ZNF385D: variants seen among roughly 807,000 people sequenced by gnomAD.
ZNF385D encodes zinc finger protein 385D.
In ZNF385D, 15 loss-of-function variants were observed where a neutral mutation model predicts 35.8. The ratio of observed to expected loss-of-function variants is 0.42; its 90% confidence interval spans 0.28 to 0.64. The LOEUF is 0.64. ZNF385D is among the 30% of genes least tolerant of loss of function. The probability of loss-of-function intolerance (pLI) is 0.23; values close to 1 mark genes in which losing one functional copy is unlikely to be tolerated. For synonymous variants in ZNF385D, 212 were observed against 186.8 expected, an observed-to-expected ratio of 1.13 and a Z score of -1.10; for missense variants, 474 against 494.6, an observed-to-expected ratio of 0.96 and a Z score of 0.39.
intron 2 of ZNF385D, among the ~76,000 whole-genome samples, chr3:22,178,175 G>T (rs972100977): frequency 6.6e-6 from 1 of 152,150 alleles, no homozygotes; most frequent in Non-Finnish European, 1.5e-5. Flanking sequence ...CTTCCACAAT[G>T]GTTGAACTAG....
intron 4 of ZNF385D, among the ~76,000 whole-genome samples, chr3:21,497,502 A>G (rs1172546128): frequency 6.6e-6 from 1 of 152,196 alleles, no homozygotes; most frequent in African/African-American, 2.4e-5. Flanking sequence ...TGCTATTCCT[A>G]TCAAACTACC....
At chr3:21,613,386 T>C (rs1338991288) in intron 2 of ZNF385D, among the ~76,000 whole-genome samples, 1 of 152,072 alleles carries the variant, frequency 6.6e-6, no homozygotes, top group African/African-American at 2.4e-5. Context: ...ATAGTCTTAC[T>C]TATTTTTTTG....
At chr3:21,990,153 G>C (rs1559825952) in intron 3 of ZNF385D, among the ~76,000 whole-genome samples, 1 of 152,188 alleles carries the variant, frequency 6.6e-6, no homozygotes, top group South Asian at 2.1e-4. Flanking sequence ...TCTGAGCAAT[G>C]ATTATAGGAT....
intron 3 of ZNF385D, among the ~76,000 whole-genome samples, chr3:21,559,150 C>T (rs1378932937): frequency 6.6e-6 from 1 of 152,122 alleles, no homozygotes; most frequent in Non-Finnish European, 1.5e-5. Flanking sequence ...TTAATTGGGG[C>T]ATCTAGTCCT....
At chr3:22,192,487 G>C (rs1298340201) in intron 2 of ZNF385D, among the ~76,000 whole-genome samples, 2 of 152,106 alleles carry the variant, frequency 1.3e-5, no homozygotes, top group African/African-American at 4.8e-5. Flanking sequence ...CCTCAGGCTA[G>C]TTCACAAGAC....
chr3:21,839,613 A>G (rs548973909), intron 3 of ZNF385D, among the ~76,000 whole-genome samples: 1 of 152,210 alleles, frequency 6.6e-6, no homozygotes, highest in East Asian at 1.9e-4. Flanking sequence ...TACAAGAGTA[A>G]AGATGTATTT....
intron 3 of ZNF385D, among the ~76,000 whole-genome samples, chr3:21,816,949 G>C (rs1481998701): frequency 6.6e-6 from 1 of 152,152 alleles, no homozygotes; most frequent in Admixed American, 6.5e-5. Flanking sequence ...CAAGGCTACA[G>C]TAACCAAAAC....
At chr3:21,879,154 T>A (rs1244100677) in intron 3 of ZNF385D, among the ~76,000 whole-genome samples, 1 of 152,002 alleles carries the variant, frequency 6.6e-6, no homozygotes, top group Non-Finnish European at 1.5e-5. Context: ...GATATGAAAA[T>A]TTACCTCTTG....
chr3:22,115,384 T>G (rs183083609), intron 3 of ZNF385D, among the ~76,000 whole-genome samples: 1 of 152,090 alleles, frequency 6.6e-6, no homozygotes, highest in African/African-American at 2.4e-5. Flanking sequence ...TGTGCACAAG[T>G]AGAAAGAGAA....
At chr3:21,484,168 T>G (rs1229259698) in intron 4 of ZNF385D, among the ~76,000 whole-genome samples, 3 of 152,106 alleles carry the variant, frequency 2.0e-5, no homozygotes, top group Non-Finnish European at 4.4e-5. Context: ...AGCTCACCCT[T>G]CCCAGGGCTG....
At chr3:22,330,954 G>T (rs1694905338) in intron 2 of ZNF385D, among the ~76,000 whole-genome samples, 1 of 152,074 alleles carries the variant, frequency 6.6e-6, no homozygotes, top group Admixed American at 6.6e-5. Context: ...TCTGGGGTAT[G>T]GCTATGTCCA....
chr3:21,509,912 T>C (rs1288851249), intron 4 of ZNF385D, among the ~76,000 whole-genome samples: 5 of 152,202 alleles, frequency 3.3e-5, no homozygotes, highest in Admixed American at 2.6e-4. Flanking sequence ...GGATGTTACA[T>C]TGTGTAATAA....
chr3:22,319,021 T>C (rs1704052225), intron 2 of ZNF385D, among the ~76,000 whole-genome samples: 1 of 152,204 alleles, frequency 6.6e-6, no homozygotes, highest in Non-Finnish European at 1.5e-5. Flanking sequence ...CCTAAAATGT[T>C]TGCAGGGCAG....
Position 22,197,330 on chromosome 3 carries a change from T to C in ZNF385D, c.107-28295A>G, listed in dbSNP as rs992053023. ...GTTACACCTGCATTAGAACTTTTCA[T>C]GATGAACCATGTATCTCTAATATTT... On this transcript the variant is annotated intron_variant, in intron 2 of 5. Transcript: ENST00000494108. Among the ~76,000 whole-genome samples, 3 of 152,080 alleles carry C rather than the reference T, an allele frequency of 2.0e-5. No homozygotes were observed. In the East Asian group the frequency reaches 5.8e-4, roughly 29 times the overall value.
intron 4 of ZNF385D, among the ~76,000 whole-genome samples, chr3:21,444,446 G>A (rs1240217388): frequency 2.9e-5 from 4 of 135,760 alleles, no homozygotes; most frequent in African/African-American, 1.1e-4. Flanking sequence ...GTGCAGTGGC[G>A]CAATCCCGGC....
At chr3:22,072,048 C>A (rs1253282191) in intron 3 of ZNF385D, among the ~76,000 whole-genome samples, 1 of 152,060 alleles carries the variant, frequency 6.6e-6, no homozygotes, top group Non-Finnish European at 1.5e-5. Context: ...GTAATACCCA[C>A]CATGTATGTT....
chr3:22,076,672 T>C (rs1383084), intron 3 of ZNF385D, among the ~76,000 whole-genome samples: 2,059 of 152,108 alleles, frequency 0.014, 55 homozygotes, highest in African/African-American at 0.046. Context: ...TCAAAGAACA[T>C]AGTCCAGAGT....
intron 4 of ZNF385D, among the ~76,000 whole-genome samples, chr3:21,451,689 C>T (rs3913940): frequency 6.6e-6 from 1 of 151,860 alleles, no homozygotes; most frequent in African/African-American, 2.4e-5. Context: ...TAACAGTAGC[C>T]TCCTACATTT....
chr3:21,414,226 A>T lies in ZNF385D; in HGVS notation c.*6988T>A, dbSNP rs1700531356. ...AACAAAACAAAACAAAACAAAAAAA[A>T]GTTCAGTTAGGAGACCTTAGTTGAA... On this transcript the variant is annotated 3_prime_UTR_variant, in exon 8 of 8. Transcript: ENST00000281523. 1 of 151,544 alleles carries T rather than the reference A, an allele frequency of 6.6e-6. No homozygotes were observed. Among genetic ancestry groups the T allele is most frequent in the South Asian group, 2.1e-4 (1 of 4,798 alleles). The allele number at this position is 151,544 out of a possible 1,614,324, so 9.4% of individuals were successfully genotyped here.
Sources: gnomAD v4.1 joint callset for allele counts (sites outside exome capture counted in the v4.1 genomes callset) on GRCh38, gnomAD v4.1.1 for gene constraint, MANE v1.5 for transcripts, NCBI Gene and HGNC (gene_info 2026-07-23, HGNC 2026-07-21) for gene names.